The following NPHP1 variants were observed in gnomAD, a reference collection of about 807,000 sequenced individuals.
The protein encoded by NPHP1 is nephrocystin 1.
In NPHP1, 70 loss-of-function variants were observed where a neutral mutation model predicts 90.4. The observed-to-expected ratio is 0.77, with a 90% confidence interval of 0.64 to 0.95. The LOEUF is 0.95. Among genes scored for constraint, NPHP1 ranks in the 40% least tolerant of loss-of-function variants. NPHP1 has a pLI of 0.00. For synonymous variants in NPHP1, 256 were observed against 271.7 expected, an observed-to-expected ratio of 0.94 and a Z score of 0.57; for missense variants, 764 against 795.9, an observed-to-expected ratio of 0.96 and a Z score of 0.48.
At chr2:110,159,132 A>G (rs1682121253) in intron 11 of NPHP1, among the ~76,000 whole-genome samples, 2 of 152,032 alleles carry the variant, frequency 1.3e-5, no homozygotes, top group Admixed American at 6.5e-5. Context: ...ATAAACCCCA[A>G]TTGGTTATGA....
chr2:110,196,098 G>A (rs1428106605), intron 2 of NPHP1, among the ~76,000 whole-genome samples: 2 of 152,024 alleles, frequency 1.3e-5, no homozygotes, highest in Admixed American at 1.3e-4. Context: ...GCATGGGCAA[G>A]GACGTCATGT....
chr2:110,181,132 T>C (rs1390834813), intron 2 of NPHP1, among the ~76,000 whole-genome samples: 1 of 152,200 alleles, frequency 6.6e-6, no homozygotes, highest in Non-Finnish European at 1.5e-5. Context: ...GTCTGGAATC[T>C]TTCTGAGGCA....
rs1174549713 is a variant in NPHP1, at chr2:110,178,081, C to A, written c.329+342G>T. ...TAAAGAATGTTTATGAAAGGGAGAA[C>A]AATGCAAGTAGACATTCCAAATCAT... On this transcript the variant is annotated intron_variant, in intron 4 of 19. Coordinates refer to ENST00000445609, the MANE Select transcript of NPHP1 (RefSeq NM_001128178.3). 8.8e-6 allele frequency: 3 copies of A among 340,652 alleles called. No homozygotes were observed. The Admixed American group carries it at 1.4e-4, about 16-fold the overall frequency. The allele number at this position is 340,652 out of a possible 1,614,324, so 21.1% of individuals were successfully genotyped here.
At chr2:110,195,105 G>A (rs1316983005) in intron 2 of NPHP1, among the ~76,000 whole-genome samples, 1 of 152,012 alleles carries the variant, frequency 6.6e-6, no homozygotes, top group Non-Finnish European at 1.5e-5. Context: ...CACAAGACAG[G>A]GATGCCCTCT....
chr2:110,200,196 A>G (rs1423910435), intron 2 of NPHP1, among the ~76,000 whole-genome samples: 1 of 152,068 alleles, frequency 6.6e-6, no homozygotes, highest in Non-Finnish European at 1.5e-5. Flanking sequence ...TGGAGCTTGC[A>G]GTGAGCCGAG....
chr2:110,144,671 T>C (rs1227391702), intron 14 of NPHP1, 102 bp from the exon 15 acceptor site: 2 of 739,498 alleles, frequency 2.7e-6, no homozygotes, highest in Non-Finnish European at 4.9e-6. Flanking sequence ...ACTCAGACAT[T>C]TCATTTATGC....
At chr2:110,133,897 A>C (rs1679973984) in intron 16 of NPHP1, among the ~76,000 whole-genome samples, 1 of 152,098 alleles carries the variant, frequency 6.6e-6, no homozygotes. Context: ...AGGGAAATTT[A>C]TAGCTATAAA....
intron 11 of NPHP1, among the ~76,000 whole-genome samples, chr2:110,157,964 T>C (rs940605338): frequency 7.2e-5 from 11 of 152,204 alleles, no homozygotes; most frequent in Admixed American, 5.9e-4. Flanking sequence ...TAAGCAATGC[T>C]TTAGCTAACA....
intron 2 of NPHP1, among the ~76,000 whole-genome samples, chr2:110,191,485 T>G (rs367890210): frequency 6.6e-6 from 1 of 152,148 alleles, no homozygotes; most frequent in Non-Finnish European, 1.5e-5. Context: ...TGCCGAGGCT[T>G]GAGTAGGTAA....
intron 4 of NPHP1, among the ~76,000 whole-genome samples, chr2:110,175,877 TTC>T (rs539943050): frequency 2.6e-5 from 4 of 152,150 alleles, no homozygotes; most frequent in African/African-American, 7.2e-5. Flanking sequence ...CTCTCTTACA[TTC>T]TGTTTTGTTC....
chr2:110,170,476 C>A (rs1683044492), intron 4 of NPHP1, among the ~76,000 whole-genome samples: 2 of 152,104 alleles, frequency 1.3e-5, no homozygotes, highest in African/African-American at 4.8e-5. Context: ...TTACTACTTG[C>A]AAAGTGTTTA....
intron 11 of NPHP1, among the ~76,000 whole-genome samples, chr2:110,152,300 T>C (rs952524921): frequency 6.6e-6 from 1 of 151,716 alleles, no homozygotes; most frequent in African/African-American, 2.4e-5. Flanking sequence ...TTTTTTTTTT[T>C]CTAAGAATGT....
intron 10 of NPHP1, 92 bp from the exon 11 acceptor site, chr2:110,160,347 G>T (rs1288251254): frequency 1.9e-6 from 2 of 1,058,838 alleles, no homozygotes; most frequent in African/African-American, 1.6e-5. Context: ...AATGTATACA[G>T]AATTTTTAAA....
At chr2:110,162,971 T>G (rs1002899225) in intron 9 of NPHP1, 77 bp downstream of exon 9, 1 of 913,942 alleles carries the variant, frequency 1.1e-6, no homozygotes, top group African/African-American at 1.6e-5. Flanking sequence ...CAATGTGTTT[T>G]GCCTGTGACA....
chr2:110,180,760 G>A (rs1430297729), intron 2 of NPHP1, among the ~76,000 whole-genome samples: 1 of 152,032 alleles, frequency 6.6e-6, no homozygotes, highest in East Asian at 1.9e-4. Flanking sequence ...CAAGAGAAGT[G>A]GTGAGTGACC....
At chr2:110,160,607 C>A (rs1002202804) in intron 10 of NPHP1, among the ~76,000 whole-genome samples, 1 of 152,136 alleles carries the variant, frequency 6.6e-6, no homozygotes, top group Non-Finnish European at 1.5e-5. Context: ...AGAAGGCTAA[C>A]GCAGCATAAA....
At chr2:110,169,637 A>G (rs1682968784) in intron 5 of NPHP1, among the ~76,000 whole-genome samples, 169 bp downstream of exon 5, 1 of 152,166 alleles carries the variant, frequency 6.6e-6, no homozygotes, top group South Asian at 2.1e-4. Flanking sequence ...CTTTAGTAAC[A>G]CAATCTCATA....
chr2:110,203,473 A>C (rs1336863026), intron 1 of NPHP1, among the ~76,000 whole-genome samples: 1 of 152,150 alleles, frequency 6.6e-6, no homozygotes, highest in Non-Finnish European at 1.5e-5. Flanking sequence ...GTTCAGCATA[A>C]GTCAATGCCC....
chr2:110,163,223 A>G, intron 8 of NPHP1, 88 bp from the exon 9 acceptor site: 1 of 936,168 alleles, frequency 1.1e-6, no homozygotes, highest in Non-Finnish European at 1.7e-6. Context: ...CTATAACCCA[A>G]AAAAGAAAAA....
Sources: gnomAD v4.1 joint callset for allele counts (sites outside exome capture counted in the v4.1 genomes callset) on GRCh38, gnomAD v4.1.1 for gene constraint, MANE v1.5 for transcripts, NCBI Gene and HGNC (gene_info 2026-07-23, HGNC 2026-07-21) for gene names.